The following ULK4 variants were observed in gnomAD, a reference collection of about 807,000 sequenced individuals.
ULK4 encodes the protein inactive serine/threonine-protein kinase ULK4.
Under a neutral mutation model 160.6 loss-of-function variants are expected in ULK4, and 133 were observed. The ratio of observed to expected loss-of-function variants is 0.83; its 90% CI spans 0.72 to 0.96. ULK4 has a LOEUF of 0.96. ULK4 is among the 40% of genes least tolerant of loss of function. The pLI is 0.00. For missense variants in ULK4, 1,580 were observed against 1,499.5 expected, an observed-to-expected ratio of 1.05 and a Z score of -0.89; for synonymous variants, 534 against 539.8, an observed-to-expected ratio of 0.99 and a Z score of 0.15.
chr3:41,942,725 G>A (rs916068312), intron 2 of ULK4, among the ~76,000 whole-genome samples: 1 of 151,878 alleles, frequency 6.6e-6, no homozygotes, highest in African/African-American at 2.4e-5. Context: ...GCTGAGGCAG[G>A]AGAATCGCTT....
At chr3:41,495,208 T>C (rs1043264713) in intron 32 of ULK4, among the ~76,000 whole-genome samples, 10 of 152,130 alleles carry the variant, frequency 6.6e-5, no homozygotes, top group East Asian at 1.9e-4. Context: ...CAAAACAGCA[T>C]GGTACTGGTA....
At chr3:41,883,650 T>G (rs1376374376) in intron 17 of ULK4, among the ~76,000 whole-genome samples, 3 of 152,228 alleles carry the variant, frequency 2.0e-5, no homozygotes, top group African/African-American at 7.2e-5. Flanking sequence ...GTAGAGTTCA[T>G]AAGCCTTGTT....
At chr3:41,444,451 G>A (rs950853772) in intron 34 of ULK4, among the ~76,000 whole-genome samples, 2 of 151,422 alleles carry the variant, frequency 1.3e-5, no homozygotes, top group Non-Finnish European at 2.9e-5. Context: ...TATAAGTTGT[G>A]GAACTCAAAA....
chr3:41,759,728 A>C (rs1009824893), intron 21 of ULK4, among the ~76,000 whole-genome samples: 8 of 152,310 alleles, frequency 5.3e-5, no homozygotes, highest in Admixed American at 2.0e-4. Context: ...ACATAAAAAA[A>C]CTACGGTAAT....
At chr3:41,356,802 C>T (rs2081038912) in intron 35 of ULK4, among the ~76,000 whole-genome samples, 1 of 152,110 alleles carries the variant, frequency 6.6e-6, no homozygotes, top group African/African-American at 2.4e-5. Flanking sequence ...GTCTGGGGAG[C>T]AGCTTCAAGG....
chr3:41,502,946 T>C (rs534887451), intron 32 of ULK4, among the ~76,000 whole-genome samples: 31 of 152,276 alleles, frequency 2.0e-4, no homozygotes, highest in Non-Finnish European at 2.6e-4. Context: ...TGGTTAAATG[T>C]ACAAATGTCC....
intron 6 of ULK4, 117 bp from the exon 7 acceptor site, chr3:41,918,657 A>C: frequency 7.8e-6 from 4 of 510,210 alleles, no homozygotes; most frequent in Non-Finnish European, 1.2e-5. Context: ...GCTGGAGTGC[A>C]GTGGCGCAAT....
chr3:41,752,547 A>C (rs1202716653), intron 22 of ULK4, among the ~76,000 whole-genome samples: 1 of 152,230 alleles, frequency 6.6e-6, no homozygotes, highest in Non-Finnish European at 1.5e-5. Context: ...ATTGGAAGTG[A>C]CTGATCTACA....
At chr3:41,759,807 T>C (rs1290027563) in intron 21 of ULK4, among the ~76,000 whole-genome samples, 2 of 152,160 alleles carry the variant, frequency 1.3e-5, no homozygotes, top group Admixed American at 6.5e-5. Context: ...TTTAGAAATA[T>C]AGTCCATTAG....
intron 4 of ULK4, among the ~76,000 whole-genome samples, chr3:41,934,064 A>T: frequency 1.3e-5 from 2 of 152,250 alleles, no homozygotes; most frequent in South Asian, 4.1e-4. Flanking sequence ...AAATAAAAAA[A>T]TTTTAAAAAT....
At chr3:41,319,838 G>A (rs948491824) in intron 35 of ULK4, among the ~76,000 whole-genome samples, 27 of 152,122 alleles carry the variant, frequency 1.8e-4, no homozygotes, top group African/African-American at 6.5e-4. Flanking sequence ...AATAAATGGT[G>A]GAGCCAGAGC....
chr3:41,788,558 C>T (rs1017251048), intron 21 of ULK4, among the ~76,000 whole-genome samples: 6 of 152,122 alleles, frequency 3.9e-5, no homozygotes, highest in South Asian at 2.1e-4. Flanking sequence ...GGCGTGGTGG[C>T]GGGTACCTAT....
chr3:41,697,104 C>T (rs28661858), intron 27 of ULK4, among the ~76,000 whole-genome samples: 28,955 of 152,100 alleles, frequency 0.19, 7,388 homozygotes, highest in African/African-American at 0.58. Flanking sequence ...AACCAATAAG[C>T]TTGTGGTGAT....
chr3:41,866,317 T>C (rs1192099349), intron 17 of ULK4, among the ~76,000 whole-genome samples: 1 of 152,188 alleles, frequency 6.6e-6, no homozygotes, highest in Non-Finnish European at 1.5e-5. Context: ...TAATTAAGTA[T>C]CAATATATAT....
chr3:41,770,809 A>C (rs1202681298), intron 21 of ULK4, among the ~76,000 whole-genome samples: 10 of 152,206 alleles, frequency 6.6e-5, no homozygotes, highest in Admixed American at 6.5e-4. Flanking sequence ...CAAGATGCCC[A>C]GCCAGAATGA....
At chr3:41,532,874 G>A (rs920344011) in intron 32 of ULK4, among the ~76,000 whole-genome samples, 1 of 152,170 alleles carries the variant, frequency 6.6e-6, no homozygotes, top group African/African-American at 2.4e-5. Flanking sequence ...GATTAAAGAT[G>A]GCCACAAATT....
At chr3:41,876,544 A>G (rs1172470795) in intron 17 of ULK4, among the ~76,000 whole-genome samples, 1 of 152,218 alleles carries the variant, frequency 6.6e-6, no homozygotes, top group Admixed American at 6.5e-5. Flanking sequence ...CATATCCTGT[A>G]ACCTACCAAT....
At chr3:41,392,946 C>T (rs962224120) in intron 35 of ULK4, among the ~76,000 whole-genome samples, 3 of 152,266 alleles carry the variant, frequency 2.0e-5, no homozygotes, top group Admixed American at 2.0e-4. Flanking sequence ...GCTCGTGTTC[C>T]TTATATCACT....
At chr3:41,268,331 T>C (rs997655415) in intron 35 of ULK4, among the ~76,000 whole-genome samples, 3 of 152,172 alleles carry the variant, frequency 2.0e-5, no homozygotes, top group African/African-American at 7.2e-5. Context: ...AAACCCTTCT[T>C]TTCCTCTCTC....
Sources: gnomAD v4.1 joint callset for allele counts (sites outside exome capture counted in the v4.1 genomes callset) on GRCh38, gnomAD v4.1.1 for gene constraint, MANE v1.5 for transcripts, NCBI Gene and HGNC (gene_info 2026-07-23, HGNC 2026-07-21) for gene names.